APOBEC4: variants seen among roughly 807,000 people sequenced by gnomAD.
APOBEC4 encodes the protein putative deaminase APOBEC-4.
For synonymous variants in APOBEC4, 141 were observed against 154.2 expected (o/e 0.91, Z 0.63); for missense variants, 375 against 441.2 (o/e 0.85, Z 1.34).
chr1:183,650,554 CA>C (rs2101997652), intron 1 of APOBEC4, among the ~76,000 whole-genome samples: 1 of 151,962 alleles, frequency 6.6e-6, no homozygotes, highest in East Asian at 1.9e-4. Flanking sequence ...AAACGAAAAA[CA>C]AAAAACACAA....
rs758633724 is a variant in APOBEC4, at chr1:183,648,330, C to T, written c.452G>A (p.Ser151Asn). 1.5e-5 allele frequency: 25 copies of T among 1,614,048 alleles called. 1 individual carries two copies. The Middle Eastern group carries it at 1.6e-3, about 106-fold the overall frequency. ...ATGATAGAGCTGAGAAAAATAAATACTAAGAGTGATGCCTGGATACGTAAT... is the reference window on the plus strand; with the variant it reads ...ATGATAGAGCTGAGAAAAATAAATATTAAGAGTGATGCCTGGATACGTAAT... ...FLITYPGITL[S>N]IYFSQLYHTE... Residue 151 changes from serine (S) to asparagine (N), a missense_variant, in exon 2 of 2, where the codon AGT (serine) becomes AAT (asparagine). Physicochemically the swap from Ser to Asn is conservative, Grantham distance 46. Transcript: ENST00000308641.
rs775980223 is a variant in APOBEC4, at chr1:183,648,023, T to G, written c.759A>C (p.Lys253Asn). 1 of 1,614,070 alleles carries G rather than the reference T, an allele frequency of 6.2e-7. No homozygotes were observed. Among genetic ancestry groups the G allele is most frequent in the East Asian group, 2.2e-5 (1 of 44,896 alleles). Residue 253 changes from lysine (K) to asparagine (N), a missense_variant, in exon 2 of 2, where the codon AAA becomes AAC. Physicochemically the swap from Lys to Asn is moderately conservative, Grantham distance 94 (BLOSUM62 0). Transcript: ENST00000308641. ...GGTAGCTCTCTAAAGCCTCCTGAGC[T>G]TTTGTGTTTGGATTCCTTTTTGTCT... The part of the protein sequence containing the change: ...LLQTKRNPNT[K>N]AQEALESYPL...
In APOBEC4 at chr1:183,646,745, A is replaced by T. The variant is rs12047836; in HGVS notation, c.*933T>A. 0.069 allele frequency: 10,452 copies of T among 152,282 alleles called. 627 individuals are homozygous for T. The highest frequency in any genetic ancestry group is 0.16 in the African/African-American group (6,769 of 41,532). The allele number at this position is 152,282 out of a possible 1,614,324, so 9.4% of individuals were successfully genotyped here. A position where few individuals can be genotyped will look rare whatever the true frequency, so the allele number is the denominator to read the frequency against. ...AAAAAGAAAAAACATCTCTTGCAGG[A>T]TGGTGAAGCAGGCTTTCAGCTGGGA... On this transcript the variant is annotated 3_prime_UTR_variant, in exon 2 of 2. Transcript: ENST00000308641.
Position 183,648,001 on chromosome 1 carries a change from A to G in APOBEC4, c.781T>C (p.Tyr261His). Reference protein sequence around the residue: ...NTKAQEALESYPLNNAFPGQF... With the variant: ...NTKAQEALESHPLNNAFPGQF... ...CCAGGAAAGGCATTGTTTAAGGGGT[A>G]GCTCTCTAAAGCCTCCTGAGCTTTT... The change falls in exon 2 of 2, where the codon TAC becomes CAC. Residue 261 changes from tyrosine (Y) to histidine (H), a missense_variant. Coordinates refer to ENST00000308641, the MANE Select transcript of APOBEC4 (RefSeq NM_203454.3). 4 of 1,614,220 alleles carry G rather than the reference A, an allele frequency of 2.5e-6. No individual in the cohort carries two copies. The highest frequency in any genetic ancestry group is 3.4e-6 in the Non-Finnish European group (4 of 1,180,038).
At position 183,648,014 on chromosome 1, in the gene APOBEC4, C is replaced by G; in HGVS notation, c.768G>C (p.Glu256Asp). Residue 256 changes from glutamate (E) to aspartate (D), a missense_variant, in exon 2 of 2, where the codon GAG becomes GAC. By Grantham distance (45) the Glu-to-Asp change is conservative. Coordinates refer to ENST00000308641, the MANE Select transcript of APOBEC4 (RefSeq NM_203454.3). ...TGTTTAAGGGGTAGCTCTCTAAAGC[C>G]TCCTGAGCTTTTGTGTTTGGATTCC... ...TKRNPNTKAQEALESYPLNNA... is the reference protein window; with the variant it reads ...TKRNPNTKAQDALESYPLNNA... 6.2e-7 allele frequency: 1 copy of G among 1,614,208 alleles called. No individual in the cohort carries two copies. Among genetic ancestry groups the G allele is most frequent in the African/African-American group, 1.3e-5 (1 of 75,060 alleles).
Position 183,648,250 on chromosome 1 carries a change from C to T in APOBEC4, c.532G>A (p.Ala178Thr). The change falls in exon 2 of 2, where the codon GCC becomes ACC. Residue 178 changes from alanine (A) to threonine (T), a missense_variant. Ala to Thr is a moderately conservative substitution (Grantham distance 58, BLOSUM62 0). Transcript: ENST00000308641. The stretch of plus-strand genomic sequence containing the variant: ...AAAACAACCCGCGGCCATAAGCTGG[C>T]CAGGCTCCGGAGAGCTTCGCGGTTC... ...AWNREALRSL[A>T]SLWPRVVLSP... The T allele has an allele frequency of 6.2e-7, 1 of 1,614,172 alleles. No individual in the cohort carries two copies. The highest frequency in any genetic ancestry group is 8.5e-7 in the Non-Finnish European group (1 of 1,180,020).
rs6699011 is a variant in APOBEC4, at chr1:183,653,244, T to C, written c.-203A>G. 10,469 of 152,316 alleles carry C rather than the reference T, an allele frequency of 0.069. 626 individuals carry two copies. Among genetic ancestry groups the C allele is most frequent in the African/African-American group, 0.16 (6,783 of 41,540 alleles). The allele number at this position is 152,316 out of a possible 1,614,324, so 9.4% of individuals were successfully genotyped here. On this transcript the variant is annotated 5_prime_UTR_variant, in exon 1 of 2. Coordinates refer to ENST00000308641, the MANE Select transcript of APOBEC4 (RefSeq NM_203454.3). ...GGACTCTTTCACAGTTTGTGTCTAT[T>C]CGTTCATTTGAACTTTGCTGTTCCA... is the stretch of plus-strand genomic sequence containing the variant.
intron 1 of APOBEC4, among the ~76,000 whole-genome samples, chr1:183,650,571 A>G (rs1650669219): frequency 1.3e-5 from 2 of 152,056 alleles, no homozygotes; most frequent in African/African-American, 4.8e-5. Flanking sequence ...CACAATATTC[A>G]TGGCTAATTA....
In APOBEC4 at chr1:183,647,183, GA is replaced by G; in HGVS notation, c.*494del. 6.5e-6 allele frequency: 1 copy of G among 152,938 alleles called. No individual in the cohort carries two copies. The highest frequency in any genetic ancestry group is 1.5e-5 in the Non-Finnish European group (1 of 68,506). The allele number at this position is 152,938 out of a possible 1,614,324, so 9.5% of individuals were successfully genotyped here. ...CACAAAACTATTTTGAATCACTTTA[GA>G]AAAAAATGAGCTGCCTAAAATCTTC... is the stretch of plus-strand genomic sequence containing the variant. On this transcript the variant is annotated 3_prime_UTR_variant, in exon 2 of 2. Transcript: ENST00000308641.
At chr1:183,651,344 TATC>T (rs1234294007) in intron 1 of APOBEC4, among the ~76,000 whole-genome samples, 1 of 152,240 alleles carries the variant, frequency 6.6e-6, no homozygotes, top group Admixed American at 6.5e-5. Context: ...AAATCTCACT[TATC>T]ATATCACAAG....
chr1:183,648,387 T>C lies in APOBEC4; in HGVS notation c.395A>G (p.His132Arg). ...ATTATACATTTTGCTGATGCAGCAG[T>C]GGTTAGCTTCATTACAAGGGGAGTT... ...SNNSPCNEANHCCISKMYNFL... is the reference protein window; with the variant it reads ...SNNSPCNEANRCCISKMYNFL... Residue 132 changes from histidine to arginine, a missense_variant, in exon 2 of 2, where the codon CAC becomes CGC. His to Arg is a conservative substitution (Grantham distance 29, BLOSUM62 0). Transcript: ENST00000308641. 6.2e-7 allele frequency: 1 copy of C among 1,614,220 alleles called. No individual in the cohort carries two copies. The highest frequency in any genetic ancestry group is 8.5e-7 in the Non-Finnish European group (1 of 1,180,036).
chr1:183,652,693 C>A (rs546781365), intron 1 of APOBEC4, among the ~76,000 whole-genome samples: 1 of 152,296 alleles, frequency 6.6e-6, no homozygotes, highest in South Asian at 2.1e-4. Flanking sequence ...GACTTGTTTC[C>A]CCAGCAGCTG....
intron 1 of APOBEC4, among the ~76,000 whole-genome samples, chr1:183,651,936 C>T (rs1169103761): frequency 6.6e-6 from 1 of 152,178 alleles, no homozygotes; most frequent in Non-Finnish European, 1.5e-5. Context: ...CAAAACCAAG[C>T]CCAAACTTTC....
At chr1:183,650,469 G>A (rs1323636590) in intron 1 of APOBEC4, among the ~76,000 whole-genome samples, 1 of 152,102 alleles carries the variant, frequency 6.6e-6, no homozygotes, top group Non-Finnish European at 1.5e-5. Flanking sequence ...CGTGAACCCA[G>A]GAGGCAGAGC....
chr1:183,650,369 C>G (rs1650639677), intron 1 of APOBEC4, among the ~76,000 whole-genome samples: 1 of 151,992 alleles, frequency 6.6e-6, no homozygotes, highest in Admixed American at 6.5e-5. Context: ...TGGTGAAACC[C>G]CGTCTCTACT....
rs142586700 is a variant in APOBEC4, at chr1:183,648,519, G to C, written c.263C>G (p.Thr88Ser). The part of the protein sequence containing the change: ...LVQKGHASSC[T>S]GNYIHPESML... ...TGATTCTGGATGGATATAATTCCCA[G>C]TGCAACTGCTAGCATGGCCCTTTTG... The change falls in exon 2 of 2, where the codon ACT (threonine) becomes AGT (serine). Residue 88 changes from threonine (T) to serine (S), a missense_variant. Physicochemically the swap from Thr to Ser is moderately conservative, Grantham distance 58. Coordinates refer to ENST00000308641, the MANE Select transcript of APOBEC4 (RefSeq NM_203454.3). 2.1e-4 allele frequency: 339 copies of C among 1,614,168 alleles called. No individual in the cohort carries two copies. The African/African-American group carries it at 4.2e-3, about 20-fold the overall frequency.
intron 1 of APOBEC4, among the ~76,000 whole-genome samples, chr1:183,650,530 G>A (rs1027458539): frequency 4.6e-5 from 7 of 152,082 alleles, no homozygotes; most frequent in Non-Finnish European, 1.0e-4. Flanking sequence ...GTGACAGAGC[G>A]AGACTCTGTC....
Position 183,647,792 on chromosome 1 carries a change from G to A in APOBEC4, c.990C>T (p.Thr330=), listed in dbSNP as rs748238048. The change falls in exon 2 of 2, where the codon ACC becomes ACT. Residue 330 remains threonine (T), a synonymous_variant. Transcript: ENST00000308641. ...LNMPQMSFQE[T]KDLGRLPTGR... Reference sequence around the variant, plus strand: ...CAGTGGGAAGCCTTCCAAGGTCCTTGGTTTCCTGGAATGACATTTGAGGCA... The same window carrying A: ...CAGTGGGAAGCCTTCCAAGGTCCTTAGTTTCCTGGAATGACATTTGAGGCA... The A allele has an allele frequency of 1.2e-6, 2 of 1,614,128 alleles. No individual in the cohort carries two copies. Among genetic ancestry groups the A allele is most frequent in the East Asian group, 2.2e-5 (1 of 44,888 alleles).
chr1:183,647,627 C>T lies in APOBEC4; in HGVS notation c.*51G>A, dbSNP rs1650382624. On this transcript the variant is annotated 3_prime_UTR_variant, in exon 2 of 2. Transcript: ENST00000308641. ...GAGAAAGTTTCCAGATTTTTATTGCCTATCTAATAAGTCCCTTGGTAATTG... is the reference window on the plus strand; with the variant it reads ...GAGAAAGTTTCCAGATTTTTATTGCTTATCTAATAAGTCCCTTGGTAATTG... 1 of 1,509,804 alleles carries T rather than the reference C, an allele frequency of 6.6e-7. No homozygotes were observed. The highest frequency in any genetic ancestry group is 8.8e-7 in the Non-Finnish European group (1 of 1,131,714). 93.5% of individuals were successfully genotyped at this position (1,509,804 alleles called of 1,614,324 possible). A position where few individuals can be genotyped will look rare whatever the true frequency, so the allele number is the denominator to read the frequency against.
Sources: gnomAD v4.1 joint callset for allele counts (sites outside exome capture counted in the v4.1 genomes callset) on GRCh38, gnomAD v4.1.1 for gene constraint, MANE v1.5 for transcripts, NCBI Gene and HGNC (gene_info 2026-07-23, HGNC 2026-07-21) for gene names.